The following VTI1A variants were observed in gnomAD, a reference collection of about 807,000 sequenced individuals.
The protein encoded by VTI1A is vesicle transport through interaction with t-SNAREs homolog 1A.
VTI1A carries 22 observed loss-of-function variants against 34.9 expected under a neutral mutation model. The observed-to-expected ratio is 0.63, with a 90% CI of 0.45 to 0.90. The LOEUF (loss-of-function observed/expected upper bound fraction) is 0.90, where lower values mean the gene tolerates loss of function less well. VTI1A is among the 40% of genes least tolerant of loss of function. The pLI, the probability that VTI1A is intolerant of heterozygous loss-of-function variation, is 0.00. For missense variants in VTI1A, 268 were observed against 275.6 expected (o/e 0.97, Z 0.20); for synonymous variants, 87 against 97.3 (o/e 0.89, Z 0.62).
chr10:112,454,128 G>A (rs531224948), intron 1 of VTI1A, among the ~76,000 whole-genome samples: 1 of 152,198 alleles, frequency 6.6e-6, no homozygotes, highest in East Asian at 1.9e-4. Flanking sequence ...CTCTCTTAGT[G>A]GTTTGACCCT....
intron 5 of VTI1A, among the ~76,000 whole-genome samples, chr10:112,540,046 G>A (rs976831691): frequency 2.6e-5 from 4 of 152,090 alleles, no homozygotes; most frequent in Non-Finnish European, 5.9e-5. Context: ...TTCCACATGG[G>A]GCTGGTTCAG....
intron 5 of VTI1A, among the ~76,000 whole-genome samples, chr10:112,592,662 A>G (rs1844437566): frequency 2.0e-5 from 3 of 152,246 alleles, no homozygotes; most frequent in East Asian, 1.9e-4. Flanking sequence ...TAGGTGCCCA[A>G]TTCTATAAAT....
intron 7 of VTI1A, among the ~76,000 whole-genome samples, chr10:112,678,580 C>T (rs957593604): frequency 3.9e-5 from 6 of 152,186 alleles, no homozygotes; most frequent in Admixed American, 1.3e-4. Context: ...CTTCTCCCTC[C>T]ACAAATCTCC....
At chr10:112,708,693 G>A (rs1225896735) in intron 7 of VTI1A, among the ~76,000 whole-genome samples, 1 of 152,156 alleles carries the variant, frequency 6.6e-6, no homozygotes, top group African/African-American at 2.4e-5. Context: ...TGGATGGCAT[G>A]GAATATTTCA....
intron 5 of VTI1A, among the ~76,000 whole-genome samples, chr10:112,618,518 T>TAGAGAGAGAGAGAGAGAG (rs1229141246): frequency 1.2e-3 from 55 of 47,454 alleles, no homozygotes; most frequent in African/African-American, 3.9e-3. Flanking sequence ...TATATATATA[T>TAGAGAGAGAGAGAGAGAG]ATATATAGAG....
chr10:112,634,145 C>T (rs1846252363), intron 5 of VTI1A: 1 of 154,182 alleles, frequency 6.5e-6, no homozygotes, highest in African/African-American at 2.4e-5. Context: ...AAATATGCTT[C>T]AATGGCTTAT....
intron 5 of VTI1A, among the ~76,000 whole-genome samples, chr10:112,569,076 A>C (rs1852015441): frequency 6.6e-6 from 1 of 151,334 alleles, no homozygotes; most frequent in Admixed American, 6.6e-5. Context: ...AATCATTTGA[A>C]CCCAGGAGGC....
chr10:112,810,523 G>T (rs1020266507), intron 7 of VTI1A, among the ~76,000 whole-genome samples: 1 of 152,022 alleles, frequency 6.6e-6, no homozygotes, highest in African/African-American at 2.4e-5. Flanking sequence ...GAATCAAAAG[G>T]CCTGCAGTGG....
the VTI1A span, among the ~76,000 whole-genome samples, chr10:112,833,869 A>G: frequency 3.3e-5 from 5 of 152,202 alleles, no homozygotes; most frequent in East Asian, 7.7e-4. Context: ...CAAATTAAGC[A>G]TTGTTCAAAG....
At chr10:112,747,167 C>T (rs976742592) in intron 7 of VTI1A, among the ~76,000 whole-genome samples, 24 of 152,242 alleles carry the variant, frequency 1.6e-4, no homozygotes, top group African/African-American at 5.8e-4. Context: ...TCCACCGGGC[C>T]TCCAAACACT....
intron 5 of VTI1A, among the ~76,000 whole-genome samples, chr10:112,585,960 C>A (rs372269423): frequency 1.3e-5 from 2 of 152,162 alleles, no homozygotes; most frequent in East Asian, 3.9e-4. Flanking sequence ...CTGTTGGAGT[C>A]AAGTCCTCTG....
At chr10:112,836,915 A>G in the VTI1A span, among the ~76,000 whole-genome samples, 14,518 of 152,212 alleles carry the variant, frequency 0.095, 1,825 homozygotes, top group African/African-American at 0.29. Flanking sequence ...TTCAAGTTAA[A>G]CATTGTTCAA....
the VTI1A span, among the ~76,000 whole-genome samples, chr10:112,839,103 G>A: frequency 6.6e-6 from 1 of 152,196 alleles, no homozygotes; most frequent in Non-Finnish European, 1.5e-5. Context: ...GTCAGGGATG[G>A]AGCTGGAGCC....
intron 1 of VTI1A, among the ~76,000 whole-genome samples, chr10:112,455,050 G>C (rs1342435536): frequency 1.3e-5 from 2 of 151,942 alleles, no homozygotes; most frequent in African/African-American, 2.4e-5. Context: ...GTCATTTGGG[G>C]TGGGCAGAAT....
Position 112,529,294 on chromosome 10 carries a change from C to A in VTI1A, c.342+2130C>A, listed in dbSNP as rs570109589. ...TTCGTTACCAAATGTAGCAAAGTTT[C>A]CATTTCATATGAAGTCATTGCATTT... On this transcript the variant is annotated intron_variant, in intron 4 of 7. Coordinates refer to ENST00000393077, the MANE Select transcript of VTI1A (RefSeq NM_145206.4). Among the ~76,000 whole-genome samples the A allele has an allele frequency of 3.3e-5, 5 of 152,236 alleles. No individual in the cohort carries two copies. The East Asian group carries it at 9.6e-4, about 29-fold the overall frequency.
At chr10:112,449,945 G>T (rs7476679) in intron 1 of VTI1A, 64,552 of 151,750 alleles carry the variant, frequency 0.43, 15,262 homozygotes, top group Non-Finnish European at 0.54. Context: ...TATCGCCCAC[G>T]TTGGAGTGTA....
At chr10:112,644,216 T>C (rs1027120762) in intron 5 of VTI1A, among the ~76,000 whole-genome samples, 5 of 152,220 alleles carry the variant, frequency 3.3e-5, no homozygotes, top group Admixed American at 2.6e-4. Context: ...TTTTAATTCT[T>C]CTAATTGTGA....
intron 5 of VTI1A, among the ~76,000 whole-genome samples, chr10:112,640,025 T>A (rs1002922244): frequency 6.6e-6 from 1 of 152,184 alleles, no homozygotes; most frequent in Non-Finnish European, 1.5e-5. Context: ...GTTGGGGACT[T>A]TGAAGAGTAA....
In VTI1A at chr10:112,752,316, T is replaced by C. The variant is rs11817282; in HGVS notation, c.561-62974T>C. ...TCCCCTTCTCTGTTGTCATACTGAT[T>C]CCATTTTGTCCTCTGATCCCCCTCT... On this transcript the variant is annotated intron_variant, in intron 7 of 7. Coordinates refer to ENST00000393077, the MANE Select transcript of VTI1A (RefSeq NM_145206.4). 0.011 allele frequency: 10,977 copies of C among 966,402 alleles called. 912 individuals are homozygous for C. The African/African-American group carries it at 0.17, about 15-fold the overall frequency. 59.9% of individuals were successfully genotyped at this position (966,402 alleles called of 1,614,324 possible).
Sources: allele counts gnomAD v4.1 joint callset (sites outside exome capture counted in the v4.1 genomes callset), GRCh38; gene constraint gnomAD v4.1.1; transcripts MANE v1.5; gene names NCBI Gene and HGNC (gene_info 2026-07-23, HGNC 2026-07-21).